Variants in KLHL32 observed in about 807,000 individuals in gnomAD.
KLHL32 encodes kelch-like protein 32.
Under a neutral mutation model 64.8 loss-of-function variants are expected in KLHL32, and 35 were observed. That is an observed-to-expected ratio of 0.54 (90% CI 0.41 to 0.72). KLHL32 has a LOEUF of 0.72. Ranked by LOEUF, KLHL32 falls within the 30% of genes least tolerant of loss-of-function variation. The probability of loss-of-function intolerance (pLI) is 0.00; values close to 1 mark genes in which losing one functional copy is unlikely to be tolerated. For synonymous variants in KLHL32, 259 were observed against 281.0 expected (o/e 0.92, Z 0.78); for missense variants, 589 against 768.5 (o/e 0.77, Z 2.76).
intron 3 of KLHL32, among the ~76,000 whole-genome samples, chr6:96,996,727 A>AAAT (rs1167922110): frequency 6.6e-6 from 1 of 152,126 alleles, no homozygotes; most frequent in African/African-American, 2.4e-5. Context: ...AATTAATATT[A>AAAT]AATAATAATT....
At chr6:97,082,981 G>A (rs1186289890) in intron 5 of KLHL32, among the ~76,000 whole-genome samples, 1 of 152,134 alleles carries the variant, frequency 6.6e-6, no homozygotes, top group African/African-American at 2.4e-5. Context: ...ATACTTTATT[G>A]TTCTTGCTCT....
chr6:96,969,028 A>G (rs543820164), intron 2 of KLHL32, among the ~76,000 whole-genome samples: 1 of 152,258 alleles, frequency 6.6e-6, no homozygotes, highest in Admixed American at 6.5e-5. Context: ...TCCTAACTGT[A>G]GTCGGGGTCA....
At chr6:97,083,023 C>A (rs796080506) in intron 5 of KLHL32, among the ~76,000 whole-genome samples, 3 of 152,290 alleles carry the variant, frequency 2.0e-5, no homozygotes, top group African/African-American at 7.2e-5. Flanking sequence ...TTTCCACGTG[C>A]CAAACTTTTA....
chr6:97,021,013 G>A (rs1229701712), intron 3 of KLHL32, among the ~76,000 whole-genome samples: 1 of 150,752 alleles, frequency 6.6e-6, no homozygotes, highest in Non-Finnish European at 1.5e-5. Context: ...ATATGATAAT[G>A]TATTAGAGTC....
the KLHL32 span, among the ~76,000 whole-genome samples, chr6:96,914,333 A>C: frequency 6.6e-6 from 1 of 151,994 alleles, no homozygotes; most frequent in African/African-American, 2.4e-5. Flanking sequence ...AATACCAAAA[A>C]TCCTCTGTAC....
At chr6:97,104,781 C>G (rs1420543247) in intron 6 of KLHL32, among the ~76,000 whole-genome samples, 1 of 152,178 alleles carries the variant, frequency 6.6e-6, no homozygotes, top group Non-Finnish European at 1.5e-5. Context: ...TCCATGGTAA[C>G]ATTTTCATTG....
the KLHL32 span, among the ~76,000 whole-genome samples, chr6:96,916,977 G>A: frequency 1.3e-5 from 2 of 152,062 alleles, no homozygotes; most frequent in South Asian, 4.1e-4. Context: ...ACTGTAATAG[G>A]AACAACCCTG....
intron 1 of KLHL32, among the ~76,000 whole-genome samples, chr6:96,951,846 A>C (rs1221191762): frequency 1.3e-5 from 2 of 152,078 alleles, no homozygotes; most frequent in African/African-American, 4.8e-5. Flanking sequence ...GCTTTCAATT[A>C]TTTTAGCTGT....
intron 1 of KLHL32, among the ~76,000 whole-genome samples, chr6:96,953,306 T>C (rs954792286): frequency 1.3e-5 from 2 of 148,672 alleles, no homozygotes; most frequent in African/African-American, 5.0e-5. Flanking sequence ...GATGTTTGAG[T>C]TGATTGGTTT....
chr6:96,906,724 G>A, the KLHL32 span, among the ~76,000 whole-genome samples: 2 of 152,280 alleles, frequency 1.3e-5, no homozygotes, highest in South Asian at 4.1e-4. Context: ...CCTAAATAGT[G>A]GGATTTGAGA....
At chr6:97,093,456 G>T (rs1463364896) in intron 6 of KLHL32, among the ~76,000 whole-genome samples, 2 of 152,112 alleles carry the variant, frequency 1.3e-5, no homozygotes, top group South Asian at 4.1e-4. Context: ...TTCAATGGAG[G>T]TCTCACTGTA....
At chr6:97,058,011 AT>A (rs1448478544) in intron 4 of KLHL32, among the ~76,000 whole-genome samples, 1 of 152,110 alleles carries the variant, frequency 6.6e-6, no homozygotes. Context: ...TTTATCCATT[AT>A]TATTATATTA....
At chr6:96,992,483 G>A (rs1203986752) in intron 3 of KLHL32, among the ~76,000 whole-genome samples, 9 of 152,358 alleles carry the variant, frequency 5.9e-5, no homozygotes, top group East Asian at 3.9e-4. Context: ...AGAGCAATGC[G>A]CACTAGCTGC....
intron 3 of KLHL32, chr6:97,010,335 AG>A (rs1780236122): frequency 6.6e-6 from 1 of 152,182 alleles, no homozygotes; most frequent in African/African-American, 2.4e-5. Flanking sequence ...TTGCTGTATT[AG>A]AAGAGTCAGG....
upstream of KLHL32, among the ~76,000 whole-genome samples, chr6:96,921,558 A>G (rs1252271521): frequency 6.6e-6 from 1 of 152,248 alleles, no homozygotes; most frequent in Non-Finnish European, 1.5e-5. Context: ...TCTCTTGAGT[A>G]GTACAGTAAT....
upstream of KLHL32, among the ~76,000 whole-genome samples, chr6:96,921,104 T>C (rs1319283577): frequency 1.3e-5 from 2 of 152,226 alleles, no homozygotes; most frequent in Non-Finnish European, 2.9e-5. Context: ...ACAATTTATT[T>C]TTAAATCTGC....
chr6:96,953,612 A>G (rs1033397735), intron 1 of KLHL32, among the ~76,000 whole-genome samples: 1 of 152,008 alleles, frequency 6.6e-6, no homozygotes, highest in African/African-American at 2.4e-5. Context: ...CCTGGGTGAC[A>G]GAGTGAGACT....
At chr6:96,977,200 G>GTATATA (rs1277363417) in intron 3 of KLHL32, among the ~76,000 whole-genome samples, 1 of 152,140 alleles carries the variant, frequency 6.6e-6, no homozygotes, top group African/African-American at 2.4e-5. Flanking sequence ...ACAACCCATT[G>GTATATA]TGCACATATA....
intron 1 of KLHL32, among the ~76,000 whole-genome samples, chr6:96,935,501 G>A (rs1205039275): frequency 6.6e-6 from 1 of 152,166 alleles, no homozygotes; most frequent in Non-Finnish European, 1.5e-5. Context: ...AAGAGGAGGG[G>A]TCTGGGAGAA....
Sources: gnomAD v4.1 joint callset for allele counts (sites outside exome capture counted in the v4.1 genomes callset) on GRCh38, gnomAD v4.1.1 for gene constraint, MANE v1.5 for transcripts, NCBI Gene and HGNC (gene_info 2026-07-23, HGNC 2026-07-21) for gene names.